Variants in DOK6 observed in about 807,000 individuals in gnomAD.
DOK6 encodes the protein downstream of tyrosine kinase 6.
A neutral mutation model predicts 44.0 loss-of-function variants in DOK6; 22 were observed. The observed-to-expected ratio is 0.50, with a 90% CI of 0.36 to 0.71. The LOEUF (loss-of-function observed/expected upper bound fraction) is 0.71. Ranked by LOEUF, DOK6 falls within the 30% of genes least tolerant of loss-of-function variation. The probability of loss-of-function intolerance (pLI) is 0.00; values close to 1 mark genes in which losing one functional copy is unlikely to be tolerated. For synonymous variants in DOK6, 166 were observed against 145.5 expected (o/e 1.14, Z -1.01); for missense variants, 340 against 416.4 (o/e 0.82, Z 1.60).
intron 3 of DOK6, among the ~76,000 whole-genome samples, chr18:69,635,278 C>CATT (rs1568317573): frequency 4.6e-5 from 7 of 151,394 alleles, no homozygotes; most frequent in Non-Finnish European, 1.0e-4. Context: ...ATATTTTTCT[C>CATT]TTTTTTTCTC....
chr18:69,418,642 C>CT lies in DOK6; in HGVS notation c.66+17341dup, dbSNP rs544310395. On this transcript the variant is annotated intron_variant, in intron 1 of 7. Coordinates refer to ENST00000382713, the MANE Select transcript of DOK6 (RefSeq NM_152721.6). ...TTGCCCAGCTAATTTCTTTTCTTTT[C>CT]TTTTTTTTTGGTGGGGATGGGGTCT... 5.9e-4 allele frequency among the ~76,000 whole-genome samples: 89 copies of CT among 150,250 alleles called. 1 individual carries two copies. In the South Asian group the frequency reaches 0.014, roughly 23 times the overall value.
At chr18:69,831,565 A>G (rs1382544057) in intron 7 of DOK6, among the ~76,000 whole-genome samples, 1 of 152,220 alleles carries the variant, frequency 6.6e-6, no homozygotes, top group Admixed American at 6.5e-5. Flanking sequence ...AACAGTGGTT[A>G]TTATATTATG....
chr18:69,729,658 G>A (rs943758426), intron 5 of DOK6, among the ~76,000 whole-genome samples: 9 of 152,114 alleles, frequency 5.9e-5, no homozygotes, highest in Non-Finnish European at 1.3e-4. Flanking sequence ...ACCAACCAAA[G>A]AATAGGAATT....
At chr18:69,639,380 G>A (rs1370601170) in intron 3 of DOK6, among the ~76,000 whole-genome samples, 2 of 152,192 alleles carry the variant, frequency 1.3e-5, no homozygotes, top group African/African-American at 2.4e-5. Flanking sequence ...ACTTGATAAG[G>A]CCATGGAGGG....
intron 1 of DOK6, among the ~76,000 whole-genome samples, chr18:69,443,321 C>T (rs907658559): frequency 6.6e-6 from 1 of 152,146 alleles, no homozygotes; most frequent in South Asian, 2.1e-4. Context: ...TGTGAGAACA[C>T]CAGAGCACAG....
rs189519934 is a variant in DOK6 at position 69,497,307 on chromosome 18, A to T, written c.67-67180A>T. 2.9e-3 allele frequency among the ~76,000 whole-genome samples: 449 copies of T among 152,312 alleles called. 2 individuals are homozygous for T. Among genetic ancestry groups the T allele is most frequent in the Non-Finnish European group, 3.8e-3 (259 of 68,032 alleles). ...AGTAGTCCCTATTACTCTAATAGAG[A>T]AGCTAAAGGGTCAGACTAGAGAAAG... On this transcript the variant is annotated intron_variant, in intron 1 of 7. Coordinates refer to ENST00000382713, the MANE Select transcript of DOK6 (RefSeq NM_152721.6).
At chr18:69,780,393 A>G (rs1980226774) in intron 7 of DOK6, among the ~76,000 whole-genome samples, 1 of 152,152 alleles carries the variant, frequency 6.6e-6, no homozygotes, top group Non-Finnish European at 1.5e-5. Flanking sequence ...GGAGTTCAAG[A>G]CCAGCCTGGC....
intron 2 of DOK6, among the ~76,000 whole-genome samples, chr18:69,586,574 T>C (rs992410782): frequency 3.8e-4 from 58 of 152,328 alleles, no homozygotes; most frequent in African/African-American, 1.4e-3. Context: ...AATGACCTCT[T>C]CTGCAGGTGG....
At chr18:69,646,722 C>T (rs1985082575) in intron 3 of DOK6, among the ~76,000 whole-genome samples, 2 of 152,082 alleles carry the variant, frequency 1.3e-5, no homozygotes, top group Non-Finnish European at 2.9e-5. Flanking sequence ...AGGATGCATC[C>T]CTCTGCTCTA....
At chr18:69,600,385 T>C (rs769254774) in intron 3 of DOK6, among the ~76,000 whole-genome samples, 34 of 152,328 alleles carry the variant, frequency 2.2e-4, no homozygotes, top group Admixed American at 1.6e-3. Context: ...TGAACTGGAA[T>C]TTATCTCCGT....
chr18:69,432,553 C>T (rs1266067345), intron 1 of DOK6, among the ~76,000 whole-genome samples: 16 of 152,164 alleles, frequency 1.1e-4, no homozygotes, highest in African/African-American at 3.6e-4. Flanking sequence ...TTGCTAACAA[C>T]ATAATGCTAT....
chr18:69,734,513 G>A (rs1978537226), intron 5 of DOK6, among the ~76,000 whole-genome samples: 1 of 150,624 alleles, frequency 6.6e-6, no homozygotes, highest in Non-Finnish European at 1.5e-5. Context: ...GCTGTGCTTT[G>A]AAGAATTTCA....
At chr18:69,484,071 A>G (rs907027822) in intron 1 of DOK6, among the ~76,000 whole-genome samples, 4 of 152,042 alleles carry the variant, frequency 2.6e-5, no homozygotes, top group Non-Finnish European at 2.9e-5. Flanking sequence ...TCCTGCTCTT[A>G]GTGGATATCA....
chr18:69,789,930 A>G (rs1980542748), intron 7 of DOK6, among the ~76,000 whole-genome samples: 1 of 152,130 alleles, frequency 6.6e-6, no homozygotes, highest in Non-Finnish European at 1.5e-5. Context: ...ATATTCCACT[A>G]TTTCTGAAAC....
chr18:69,670,561 G>A (rs1985773268), intron 3 of DOK6, among the ~76,000 whole-genome samples: 1 of 148,274 alleles, frequency 6.7e-6, no homozygotes, highest in Non-Finnish European at 1.5e-5. Context: ...CCAGGCTGGA[G>A]TACAGTGGCA....
At chr18:69,724,668 A>G (rs564024814) in intron 5 of DOK6, 1 of 152,298 alleles carries the variant, frequency 6.6e-6, no homozygotes, top group East Asian at 1.9e-4. Context: ...TTACTCTTCC[A>G]TAGAGTTTCA....
chr18:69,589,986 C>T lies in DOK6; in HGVS notation c.175-9398C>T, dbSNP rs543017672. Reference sequence around the variant, plus strand: ...CTGATGTTTGTTCTTCTATTTATAACTCCTAAAATATCTAAATATGCCCTC... The same window carrying T: ...CTGATGTTTGTTCTTCTATTTATAATTCCTAAAATATCTAAATATGCCCTC... On this transcript the variant is annotated intron_variant, in intron 2 of 7. Transcript: ENST00000382713. Among the ~76,000 whole-genome samples the T allele has an allele frequency of 2.6e-5, 4 of 152,132 alleles. No homozygotes were observed. In the East Asian group the frequency reaches 7.7e-4, roughly 29 times the overall value.
rs553418589 is a variant in DOK6 at position 69,691,734 on chromosome 18, C to A, written c.410-6670C>A. ...ACTTTATAGTTAGCTGAGCTTGATT[C>A]ATCTTGAAAACACCCACACCAGGAC... On this transcript the variant is annotated intron_variant, in intron 4 of 7. Transcript: ENST00000382713. Among the ~76,000 whole-genome samples the A allele has an allele frequency of 6.6e-5, 10 of 152,238 alleles. 1 individual carries two copies. Among genetic ancestry groups the A allele is most frequent in the African/African-American group, 2.4e-4 (10 of 41,536 alleles).
intron 6 of DOK6, among the ~76,000 whole-genome samples, chr18:69,740,518 A>G (rs1271713188): frequency 6.6e-6 from 1 of 152,132 alleles, no homozygotes; most frequent in African/African-American, 2.4e-5. Flanking sequence ...AAGCTCATAG[A>G]GTGATTTAAA....
Sources: allele counts gnomAD v4.1 joint callset (sites outside exome capture counted in the v4.1 genomes callset), GRCh38; gene constraint gnomAD v4.1.1; transcripts MANE v1.5; gene names NCBI Gene and HGNC (gene_info 2026-07-23, HGNC 2026-07-21).